Variants in APAF1 observed in about 807,000 individuals in gnomAD.
APAF1 encodes apoptotic peptidase activating factor 1, also known as apoptotic protease-activating factor 1.
In APAF1, 91 loss-of-function variants were observed where a neutral mutation model predicts 152.4. The observed-to-expected ratio is 0.60, with a 90% confidence interval of 0.50 to 0.71. The LOEUF is 0.71. Among genes scored for constraint, APAF1 ranks in the 30% least tolerant of loss-of-function variants. APAF1 has a pLI of 0.00. For missense variants in APAF1, 1,283 were observed against 1,472.0 expected (o/e 0.87, Z 2.10); for synonymous variants, 484 against 494.1 (o/e 0.98, Z 0.27).
intron 21 of APAF1, 84 bp from the exon 22 acceptor site, chr12:98,715,343 T>TAATTTTAG: frequency 7.4e-7 from 1 of 1,360,184 alleles, no homozygotes; most frequent in Non-Finnish European, 1.0e-6. Flanking sequence ...CCCTCCAGTC[T>TAATTTTAG]AATTTTAGTT....
At chr12:98,728,603 C>T (rs1007953593) in intron 26 of APAF1, among the ~76,000 whole-genome samples, 7 of 152,052 alleles carry the variant, frequency 4.6e-5, no homozygotes, top group Non-Finnish European at 7.4e-5. Context: ...CACCTGTAGT[C>T]CCAGCTACTT....
At chr12:98,695,353 G>GCC (rs374132694) in intron 16 of APAF1, among the ~76,000 whole-genome samples, 124 of 140,206 alleles carry the variant, frequency 8.8e-4, no homozygotes, top group Middle Eastern at 4.6e-3. Flanking sequence ...GCCCAATGCC[G>GCC]CCCCCCCCCT....
At chr12:98,715,239 T>TGC (rs1245940235) in intron 21 of APAF1, among the ~76,000 whole-genome samples, 188 bp from the exon 22 acceptor site, 15 of 20,720 alleles carry the variant, frequency 7.2e-4, no homozygotes, top group African/African-American at 2.0e-3. Context: ...GGTGTGCATA[T>TGC]ATATATATAT....
chr12:98,718,082 A>AC (rs2097737109), intron 22 of APAF1, among the ~76,000 whole-genome samples: 1 of 152,136 alleles, frequency 6.6e-6, no homozygotes, highest in South Asian at 2.1e-4. Flanking sequence ...TTGATCCCTC[A>AC]TTCTCAGAAT....
chr12:98,680,549 A>C (rs2097691184), intron 14 of APAF1, 147 bp downstream of exon 14: 1 of 886,928 alleles, frequency 1.1e-6, no homozygotes, highest in African/African-American at 1.7e-5. Context: ...CTATCTGAAA[A>C]TTCTTTACTT....
At chr12:98,705,581 T>C (rs750997348) in intron 18 of APAF1, among the ~76,000 whole-genome samples, 2 of 152,246 alleles carry the variant, frequency 1.3e-5, no homozygotes, top group African/African-American at 2.4e-5. Flanking sequence ...TTCTGTAATT[T>C]AAAGTGTAAT....
chr12:98,649,047 AT>A, intron 3 of APAF1: 2 of 744,376 alleles, frequency 2.7e-6, no homozygotes, highest in African/African-American at 3.5e-5. Context: ...GTCTACCCTA[AT>A]TTTTAGAGAC....
chr12:98,704,790 T>G (rs1365935626), intron 18 of APAF1, among the ~76,000 whole-genome samples: 1 of 152,122 alleles, frequency 6.6e-6, no homozygotes, highest in African/African-American at 2.4e-5. Flanking sequence ...TTGTGTTACT[T>G]TGTTTTTGAG....
At chr12:98,656,023 T>TC (rs2097657056) in intron 4 of APAF1, among the ~76,000 whole-genome samples, 2 of 152,102 alleles carry the variant, frequency 1.3e-5, no homozygotes, top group Non-Finnish European at 2.9e-5. Context: ...GACCTTGTGA[T>TC]CCGCCCACCT....
intron 21 of APAF1, 85 bp from the exon 22 acceptor site, chr12:98,715,342 C>G: frequency 7.5e-7 from 1 of 1,328,046 alleles, no homozygotes; most frequent in Non-Finnish European, 1.0e-6. Flanking sequence ...ACCCTCCAGT[C>G]TAATTTTAGT....
chr12:98,691,138 C>T (rs1183419013), intron 16 of APAF1, among the ~76,000 whole-genome samples: 5 of 152,166 alleles, frequency 3.3e-5, no homozygotes, highest in South Asian at 2.1e-4. Context: ...ACCCGGGAGG[C>T]GGAAGTTGCA....
chr12:98,660,654 C>CATTT (rs1214373570), intron 5 of APAF1, among the ~76,000 whole-genome samples: 7 of 152,308 alleles, frequency 4.6e-5, no homozygotes, highest in African/African-American at 1.7e-4. Flanking sequence ...GCCTCTCTTT[C>CATTT]ATTTGTTCAT....
In APAF1 at chr12:98,662,796, A is replaced by G. The variant is rs781301099; in HGVS notation, c.945A>G (p.Lys315=). 31 of 1,608,890 alleles carry G rather than the reference A, an allele frequency of 1.9e-5. No individual in the cohort carries two copies. Among genetic ancestry groups the G allele is most frequent in the Non-Finnish European group, 2.5e-5 (30 of 1,177,060 alleles). Residue 315 remains lysine, a synonymous_variant, in exon 7 of 27, where the codon AAA becomes AAG. Coordinates refer to ENST00000551964, the MANE Select transcript of APAF1 (RefSeq NM_181861.2). ...CAGAACAAGCTCATAGTATTATAAAAGAATGTAAAGGTATGGTTATTTATT... is the reference window on the plus strand; with the variant it reads ...CAGAACAAGCTCATAGTATTATAAAGGAATGTAAAGGTATGGTTATTTATT... ...DLPEQAHSII[K]ECKGSPLVVS...
intron 14 of APAF1, 30 bp downstream of exon 14, chr12:98,680,432 A>G: frequency 2.5e-6 from 4 of 1,607,222 alleles, no homozygotes; most frequent in Non-Finnish European, 3.4e-6. Flanking sequence ...TTGAGTTGTA[A>G]TCACAACAGA....
In APAF1 at chr12:98,659,260, T is replaced by A; in HGVS notation, c.627T>A (p.Asp209Glu). Reference sequence around the variant, plus strand: ...ATCTTTGCACACGGTTGGATCAGGATGAGAGTTTTTCCCAGAGGCTTCCAC... The same window carrying A: ...ATCTTTGCACACGGTTGGATCAGGAAGAGAGTTTTTCCCAGAGGCTTCCAC... ...LQNLCTRLDQDESFSQRLPLN... is the reference protein window; with the variant it reads ...LQNLCTRLDQEESFSQRLPLN... The change falls in exon 5 of 27, where the codon GAT becomes GAA. Residue 209 changes from aspartate (D) to glutamate (E), a missense_variant. By Grantham distance (45) the Asp-to-Glu change is conservative. Coordinates refer to ENST00000551964, the MANE Select transcript of APAF1 (RefSeq NM_181861.2). The A allele has an allele frequency of 6.2e-7, 1 of 1,614,166 alleles. No individual in the cohort carries two copies. The highest frequency in any genetic ancestry group is 8.5e-7 in the Non-Finnish European group (1 of 1,180,034).
intron 15 of APAF1, 137 bp from the exon 16 acceptor site, chr12:98,686,611 G>A (rs774796950): frequency 4.4e-5 from 37 of 835,928 alleles, no homozygotes; most frequent in Non-Finnish European, 5.9e-5. Flanking sequence ...TGTTTGATAC[G>A]TTTGTGTTAC....
chr12:98,668,266 C>T (rs1304684267), intron 10 of APAF1, among the ~76,000 whole-genome samples: 2 of 152,032 alleles, frequency 1.3e-5, no homozygotes, highest in Non-Finnish European at 2.9e-5. Flanking sequence ...AGAAAAGGTA[C>T]CTTAGTAACT....
Position 98,677,465 on chromosome 12 carries a change from C to T in APAF1, c.1834C>T (p.Arg612Cys), listed in dbSNP as rs371897242. Residue 612 changes from arginine to cysteine, a missense_variant, in exon 13 of 27, where the codon CGC becomes TGC. Arg to Cys is a radical substitution (Grantham distance 180). Coordinates refer to ENST00000551964, the MANE Select transcript of APAF1 (RefSeq NM_181861.2). ...NITNLSRLVV[R>C]PHTDAVYHAC... ...CACGAATCTTTCCCGCTTAGTTGTC[C>T]GCCCCCACACAGATGCTGTTTACCA... The T allele has an allele frequency of 4.8e-5, 78 of 1,613,868 alleles. No homozygotes were observed. The highest frequency in any genetic ancestry group is 5.9e-5 in the Non-Finnish European group (70 of 1,179,998).
chr12:98,730,980 G>C (rs1459932373), intron 26 of APAF1, among the ~76,000 whole-genome samples: 1 of 152,190 alleles, frequency 6.6e-6, no homozygotes, highest in Non-Finnish European at 1.5e-5. Flanking sequence ...AGGGAAAGCT[G>C]ATCTGAAGTA....
Sources: allele counts gnomAD v4.1 joint callset (sites outside exome capture counted in the v4.1 genomes callset), GRCh38; gene constraint gnomAD v4.1.1; transcripts MANE v1.5; gene names NCBI Gene and HGNC (gene_info 2026-07-23, HGNC 2026-07-21).